The following MAPKAP1 variants were observed in gnomAD, a reference collection of about 807,000 sequenced individuals.
MAPKAP1 encodes MAPK associated protein 1.
A neutral mutation model predicts 65.7 loss-of-function variants in MAPKAP1; 20 were observed. The observed-to-expected ratio is 0.30, with a 90% CI of 0.21 to 0.44. The LOEUF is 0.44. Ranked by LOEUF, MAPKAP1 falls within the 20% of genes least tolerant of loss-of-function variation. MAPKAP1 has a pLI of 1.00. For synonymous variants in MAPKAP1, 222 were observed against 244.3 expected (o/e 0.91, Z 0.85); for missense variants, 423 against 648.0 (o/e 0.65, Z 3.77).
chr9:125,528,072 G>A (rs1208845810), intron 7 of MAPKAP1, among the ~76,000 whole-genome samples: 2 of 152,178 alleles, frequency 1.3e-5, no homozygotes, highest in Admixed American at 1.3e-4. Flanking sequence ...TGGGCCAGCT[G>A]CGGTGCTGGT....
In MAPKAP1 at chr9:125,438,840, G is replaced by A; in HGVS notation, c.*47C>T. 1 of 1,612,164 alleles carries A rather than the reference G, an allele frequency of 6.2e-7. No homozygotes were observed. Among genetic ancestry groups the A allele is most frequent in the Non-Finnish European group, 8.5e-7 (1 of 1,178,904 alleles). ...GTGGACTCTAGGGCACTTGGCCCTG[G>A]CAGGCAGGCTCTGAGCTACGGAACA... On this transcript the variant is annotated 3_prime_UTR_variant, in exon 12 of 12. Coordinates refer to ENST00000265960, the MANE Select transcript of MAPKAP1 (RefSeq NM_001006617.3).
At chr9:125,553,290 G>A (rs530632088) in intron 6 of MAPKAP1, among the ~76,000 whole-genome samples, 1 of 152,214 alleles carries the variant, frequency 6.6e-6, no homozygotes, top group South Asian at 2.1e-4. Context: ...GTAATCCCAG[G>A]GGAGGATTTG....
At chr9:125,502,084 A>G (rs1828998151) in intron 8 of MAPKAP1, among the ~76,000 whole-genome samples, 1 of 148,196 alleles carries the variant, frequency 6.7e-6, no homozygotes, top group Non-Finnish European at 1.5e-5. Flanking sequence ...GCTCATTACT[A>G]TTCAGCCTTT....
At chr9:125,659,992 C>T (rs1182994327) in intron 3 of MAPKAP1, among the ~76,000 whole-genome samples, 1 of 152,134 alleles carries the variant, frequency 6.6e-6, no homozygotes, top group Non-Finnish European at 1.5e-5. Flanking sequence ...CACGGTTCCT[C>T]ACTCCCTCCT....
At chr9:125,703,912 T>C (rs1231709707) in intron 1 of MAPKAP1, among the ~76,000 whole-genome samples, 1 of 152,034 alleles carries the variant, frequency 6.6e-6, no homozygotes, top group Non-Finnish European at 1.5e-5. Context: ...ATCATATAAA[T>C]CCACTCAACT....
chr9:125,522,230 G>T (rs926593648), intron 7 of MAPKAP1, among the ~76,000 whole-genome samples: 7 of 152,222 alleles, frequency 4.6e-5, no homozygotes, highest in African/African-American at 1.7e-4. Context: ...GGAAGAAAGA[G>T]ACTCTAAGCT....
chr9:125,562,816 T>C (rs541305225), intron 5 of MAPKAP1, among the ~76,000 whole-genome samples: 1 of 152,312 alleles, frequency 6.6e-6, no homozygotes, highest in East Asian at 1.9e-4. Flanking sequence ...TCAATAGGAT[T>C]AGGTAGCTTG....
At chr9:125,594,042 T>C (rs1316495253) in intron 4 of MAPKAP1, among the ~76,000 whole-genome samples, 2 of 152,208 alleles carry the variant, frequency 1.3e-5, no homozygotes, top group Non-Finnish European at 2.9e-5. Context: ...TGTCTCACAC[T>C]CTACCATCCA....
chr9:125,542,366 A>G (rs1830278271), intron 7 of MAPKAP1, among the ~76,000 whole-genome samples: 1 of 152,178 alleles, frequency 6.6e-6, no homozygotes, highest in African/African-American at 2.4e-5. Context: ...AAGTCTCTTT[A>G]TTTACAGAGC....
intron 1 of MAPKAP1, among the ~76,000 whole-genome samples, chr9:125,694,099 C>A (rs1363985074): frequency 1.3e-5 from 2 of 151,910 alleles, no homozygotes; most frequent in East Asian, 3.9e-4. Flanking sequence ...GAGGCCGAGG[C>A]AGGTAGATCA....
At chr9:125,548,447 C>A (rs577513245) in intron 6 of MAPKAP1, among the ~76,000 whole-genome samples, 1 of 152,252 alleles carries the variant, frequency 6.6e-6, no homozygotes, top group South Asian at 2.1e-4. Flanking sequence ...CTAGGAGAGA[C>A]GGTGGCAGCA....
At chr9:125,501,841 A>G (rs1241308261) in intron 8 of MAPKAP1, among the ~76,000 whole-genome samples, 1 of 152,130 alleles carries the variant, frequency 6.6e-6, no homozygotes, top group Non-Finnish European at 1.5e-5. Flanking sequence ...TTAATGTTTA[A>G]TGACAGGATC....
chr9:125,489,572 T>C (rs772723754), intron 8 of MAPKAP1, among the ~76,000 whole-genome samples: 16 of 151,870 alleles, frequency 1.1e-4, no homozygotes, highest in Non-Finnish European at 2.4e-4. Context: ...ACAATCACAA[T>C]GTAGGAAGGT....
At chr9:125,625,954 C>T (rs934853748) in intron 4 of MAPKAP1, among the ~76,000 whole-genome samples, 13 of 152,040 alleles carry the variant, frequency 8.6e-5, no homozygotes, top group African/African-American at 2.4e-4. Context: ...GGCAAGAAAG[C>T]ACATAAGAAA....
rs1470914862 is a variant in MAPKAP1, at chr9:125,439,620, G to A, written c.1444-608C>T. On this transcript the variant is annotated intron_variant, in intron 11 of 11. Coordinates refer to ENST00000265960, the MANE Select transcript of MAPKAP1 (RefSeq NM_001006617.3). The surrounding 1 kb of genome is among the most constrained non-coding windows in gnomAD (Gnocchi z 4.0). ...GAAGTCAGGGTGAGAGCTGTGAGGGGGCTGAAAGAGCCCTGTGTGAAGGGC... is the reference window on the plus strand; with the variant it reads ...GAAGTCAGGGTGAGAGCTGTGAGGGAGCTGAAAGAGCCCTGTGTGAAGGGC... Among the ~76,000 whole-genome samples the A allele has an allele frequency of 6.6e-6, 1 of 152,224 alleles. No individual in the cohort carries two copies. The highest frequency in any genetic ancestry group is 2.4e-5 in the African/African-American group (1 of 41,470).
Position 125,585,604 on chromosome 9 carries a change from C to T in MAPKAP1, c.622G>A (p.Gly208Arg), listed in dbSNP as rs1186797500. The change falls in exon 5 of 12, where the codon GGG (glycine) becomes AGG (arginine). Residue 208 changes from glycine to arginine, a missense_variant. Gly to Arg is a moderately radical substitution (Grantham distance 125). Coordinates refer to ENST00000265960, the MANE Select transcript of MAPKAP1 (RefSeq NM_001006617.3). ...CTTGTATACTGCCAGCAGATGAGCC[C>T]GATCAGGTCCTGCACCCTGGCGCTG... ...MASARVQDLI[G>R]LICWQYTSEG... The T allele has an allele frequency of 3.7e-6, 6 of 1,614,098 alleles. No homozygotes were observed. Among genetic ancestry groups the T allele is most frequent in the South Asian group, 1.1e-5 (1 of 91,088 alleles).
intron 5 of MAPKAP1, among the ~76,000 whole-genome samples, chr9:125,574,856 C>A (rs1449680804): frequency 6.6e-6 from 1 of 152,128 alleles, no homozygotes; most frequent in Non-Finnish European, 1.5e-5. Flanking sequence ...TAGTTTCCAC[C>A]CTCATTTTAT....
chr9:125,696,899 A>G (rs1417607916), intron 1 of MAPKAP1, among the ~76,000 whole-genome samples: 1 of 113,574 alleles, frequency 8.8e-6, no homozygotes, highest in Non-Finnish European at 1.8e-5. Flanking sequence ...CATACCAAAA[A>G]ATCACTTCCC....
chr9:125,452,175 T>C (rs1416241916), intron 10 of MAPKAP1, among the ~76,000 whole-genome samples: 1 of 151,778 alleles, frequency 6.6e-6, no homozygotes, highest in Non-Finnish European at 1.5e-5. Context: ...CTGGGCTCAC[T>C]GCAATCTCTG....
Sources: gnomAD v4.1 joint callset for allele counts (sites outside exome capture counted in the v4.1 genomes callset) on GRCh38, gnomAD v4.1.1 for gene constraint, Gnocchi (gnomAD v3.1) non-coding constraint, MANE v1.5 for transcripts, NCBI Gene and HGNC (gene_info 2026-07-23, HGNC 2026-07-21) for gene names.